F8: variants seen among roughly 807,000 people sequenced by gnomAD.
The protein encoded by F8 is coagulation factor VIII.
Under a neutral mutation model 140.6 loss-of-function variants are expected in F8, and 12 were observed. The observed-to-expected ratio is 0.09, with a 90% CI of 0.05 to 0.14. The LOEUF is 0.14. Among genes scored for constraint, F8 ranks in the 10% least tolerant of loss-of-function variants. The pLI, the probability that F8 is intolerant of heterozygous loss-of-function variation, is 1.00. For synonymous variants in F8, 585 were observed against 614.6 expected (o/e 0.95, Z 0.71); for missense variants, 1,354 against 1,720.7 (o/e 0.79, Z 3.77).
intron 6 of F8, among the ~76,000 whole-genome samples, chrX:154,981,386 G>A (rs1157111653): frequency 2.8e-5 from 3 of 108,544 alleles, no homozygotes; most frequent in African/African-American, 1.0e-4. Context: ...CACTCAGCAT[G>A]CACTACTTAA....
At chrX:154,932,458 T>C (rs781796395) in intron 13 of F8, among the ~76,000 whole-genome samples, 3 of 112,117 alleles carry the variant, frequency 2.7e-5, no homozygotes, top group African/African-American at 9.7e-5. Flanking sequence ...TTTACCAAGC[T>C]ACCCGTTGGG....
intron 14 of F8, among the ~76,000 whole-genome samples, chrX:154,913,701 C>T (rs782465091): frequency 5.3e-5 from 6 of 112,907 alleles, no homozygotes; most frequent in Non-Finnish European, 1.1e-4. Flanking sequence ...CCTTTGACTC[C>T]GTGTCTCACA....
chrX:154,931,933 T>C (rs1024826841), intron 13 of F8, among the ~76,000 whole-genome samples: 7 of 112,282 alleles, frequency 6.2e-5, no homozygotes, highest in African/African-American at 2.3e-4. Context: ...AATAGGGAAA[T>C]GTAATTAATA....
chrX:154,904,974 A>G lies in F8; in HGVS notation c.5423T>C (p.Leu1808Pro), dbSNP rs782426204. The G allele has an allele frequency of 8.3e-7, 1 of 1,210,445 alleles. No homozygotes were observed. The highest frequency in any genetic ancestry group is 3.0e-5 in the East Asian group (1 of 33,843). The change falls in exon 16 of 26, where the codon CTT becomes CCT. Residue 1808 changes from leucine (L) to proline (P), a missense_variant. Physicochemically the swap from Leu to Pro is moderately conservative, Grantham distance 98. Coordinates refer to ENST00000360256, the MANE Select transcript of F8 (RefSeq NM_000132.4). ...CCTCTGATCTTCCTCATAAGAAATA[A>G]GGCTAGAATAGAAGGAATAGGGACG... Reference protein sequence around the residue: ...ASRPYSFYSSLISYEEDQRQG... With the variant: ...ASRPYSFYSSPISYEEDQRQG...
rs1326483223 is a variant in F8 at position 154,843,412 on chromosome X, C to T, written c.6901-5660G>A. On this transcript the variant is annotated intron_variant, in intron 25 of 25. Coordinates refer to ENST00000360256, the MANE Select transcript of F8 (RefSeq NM_000132.4). ...TTGAACTAGTTTACAGTCCCACCAACAGTGTAAAAGCGTTCCTATTTCTCC... is the reference window on the plus strand; with the variant it reads ...TTGAACTAGTTTACAGTCCCACCAATAGTGTAAAAGCGTTCCTATTTCTCC... 4.5e-5 allele frequency among the ~76,000 whole-genome samples: 5 copies of T among 112,095 alleles called. No homozygotes were observed. In the East Asian group the frequency reaches 1.4e-3, roughly 31 times the overall value.
intron 22 of F8, among the ~76,000 whole-genome samples, chrX:154,876,707 A>G (rs182062399): frequency 9.0e-6 from 1 of 111,221 alleles, no homozygotes; most frequent in African/African-American, 3.3e-5. Context: ...CTTTTGCAAG[A>G]GCTAGTATAA....
chrX:154,914,737 A>G (rs1335650304), intron 14 of F8, among the ~76,000 whole-genome samples: 1 of 111,703 alleles, frequency 9.0e-6, no homozygotes, highest in African/African-American at 3.3e-5. Context: ...GAAGTTCCAA[A>G]CTTTCCCAGA....
intron 25 of F8, among the ~76,000 whole-genome samples, chrX:154,842,225 A>G (rs1410783832): frequency 1.8e-5 from 2 of 111,665 alleles, no homozygotes; most frequent in African/African-American, 6.5e-5. Flanking sequence ...AGTTTCTGAT[A>G]TTATTTGTGC....
chrX:154,846,965 G>T (rs1397133417), intron 25 of F8, among the ~76,000 whole-genome samples: 1 of 111,875 alleles, frequency 8.9e-6, no homozygotes, highest in African/African-American at 3.3e-5. Context: ...AGGAGCTCTT[G>T]TAGGGCAAGC....
chrX:154,966,540 G>A lies in F8; in HGVS notation c.1157C>T (p.Ser386Phe). The change falls in exon 8 of 26, where the codon TCC (serine) becomes TTC (phenylalanine). Residue 386 changes from serine to phenylalanine, a missense_variant. By Grantham distance (155) the Ser-to-Phe change is radical. Transcript: ENST00000360256. Reference sequence around the variant, plus strand: ...GGCAACTGAGCGAATTTGGATAAAGGAAGGAGAGTTGTCATCATCAAACCT... The same window carrying A: ...GGCAACTGAGCGAATTTGGATAAAGAAAGGAGAGTTGTCATCATCAAACCT... The part of the protein sequence containing the change: ...VVRFDDDNSP[S>F]FIQIRSVAKK... 1 of 1,211,634 alleles carries A rather than the reference G, an allele frequency of 8.3e-7. No homozygotes were observed. Among genetic ancestry groups the A allele is most frequent in the Non-Finnish European group, 1.1e-6 (1 of 895,424 alleles).
intron 14 of F8, chrX:154,909,347 C>T (rs2073053322): frequency 7.9e-6 from 1 of 126,008 alleles, no homozygotes; most frequent in Admixed American, 9.3e-5. Context: ...TCCAGAGCTT[C>T]AAGCGGTGTG....
intron 22 of F8, among the ~76,000 whole-genome samples, chrX:154,870,778 G>A (rs1418795298): frequency 7.2e-5 from 8 of 111,545 alleles, no homozygotes; most frequent in African/African-American, 2.0e-4. Flanking sequence ...CAGATGACAT[G>A]ATTGTATATT....
rs782244803 is a variant in F8, at chrX:154,904,075, G to A, written c.5829C>T (p.Tyr1943=). The A allele has an allele frequency of 8.3e-7, 1 of 1,211,191 alleles. No homozygotes were observed. The highest frequency in any genetic ancestry group is 1.1e-6 in the Non-Finnish European group (1 of 895,130). The change falls in exon 18 of 26, where the codon TAC becomes TAT. Residue 1943 remains tyrosine (Y), a synonymous_variant. Transcript: ENST00000360256. The stretch of plus-strand genomic sequence containing the variant: ...CTAAGCCAGGTAGTGTATCCATTAT[G>A]TAGCCATTGATTGCTGGAGAAGGAC... The part of the protein sequence containing the change: ...ENYRFHAING[Y]IMDTLPGLVM...
intron 14 of F8, among the ~76,000 whole-genome samples, chrX:154,925,285 G>A (rs781991506): frequency 2.7e-5 from 3 of 112,044 alleles, no homozygotes; most frequent in South Asian, 3.7e-4. Context: ...AGTTTGCTGC[G>A]GGGGTGGGCC....
intron 7 of F8, 131 bp from the exon 8 acceptor site, chrX:154,966,818 G>T: frequency 1.2e-5 from 10 of 827,732 alleles, no homozygotes; most frequent in Non-Finnish European, 1.7e-5. Context: ...TGGGAAGCAT[G>T]GTGCTGGCAT....
Position 154,969,351 on chromosome X carries a change from T to C in F8, c.989A>G (p.His330Arg), listed in dbSNP as rs782498015. Residue 330 changes from histidine (H) to arginine (R), a missense_variant, in exon 7 of 26, where the codon CAT (histidine) becomes CGT (arginine). Transcript: ENST00000360256. ...MDLGQFLLFC[H>R]ISSHQHDGME... ...ATTACCATGTTGGTGGGAAGAGATA[T>C]GACAAAACAGTAGAAACTGTCCAAG... 28 of 1,209,017 alleles carry C rather than the reference T, an allele frequency of 2.3e-5. No individual in the cohort carries two copies. The South Asian group carries it at 4.6e-4, about 20-fold the overall frequency.
intron 14 of F8, among the ~76,000 whole-genome samples, chrX:154,915,053 T>C (rs1240577274): frequency 8.9e-6 from 1 of 112,009 alleles, no homozygotes; most frequent in African/African-American, 3.3e-5. Context: ...CTTGCAATCA[T>C]GGTGGAAGGC....
At position 154,896,098 on chromosome X, in the gene F8, T is replaced by A; in HGVS notation, c.6408A>T (p.Gly2136=). Residue 2136 remains glycine, a synonymous_variant, in exon 22 of 26, where the codon GGA becomes GGT. Transcript: ENST00000360256. ...LDGKKWQTYR[G]NSTGTLMVFF... is the part of the protein sequence containing the mutation. ...ATACCATTAAGGTTCCAGTGGAATT[T>A]CCTCGATAAGTCTGCCACTTCTTCC... 1 of 1,210,594 alleles carries A rather than the reference T, an allele frequency of 8.3e-7. No individual in the cohort carries two copies. Among genetic ancestry groups the A allele is most frequent in the Middle Eastern group, 2.3e-4 (1 of 4,352 alleles).
chrX:155,010,087 C>G (rs2073699029), intron 1 of F8, among the ~76,000 whole-genome samples: 1 of 112,196 alleles, frequency 8.9e-6, no homozygotes, highest in African/African-American at 3.2e-5. Context: ...ATCCAGCTCC[C>G]CAGCCTGAGA....
Sources: gnomAD v4.1 joint callset for allele counts (sites outside exome capture counted in the v4.1 genomes callset) on GRCh38, gnomAD v4.1.1 for gene constraint, MANE v1.5 for transcripts, NCBI Gene and HGNC (gene_info 2026-07-23, HGNC 2026-07-21) for gene names.